Variants in SNX22 observed in about 807,000 individuals in gnomAD.
SNX22 encodes the protein sorting nexin 22.
SNX22 carries 23 observed loss-of-function variants against 24.7 expected under a neutral mutation model. That is an observed-to-expected ratio of 0.93 (90% CI 0.67 to 1.32). SNX22 has a LOEUF of 1.32. Among genes scored for constraint, SNX22 ranks in the 40% most tolerant of loss-of-function variants. SNX22 has a pLI of 0.00. For synonymous variants in SNX22, 99 were observed against 104.0 expected (o/e 0.95, Z 0.29); for missense variants, 261 against 249.9 (o/e 1.04, Z -0.30).
chr15:64,153,702 C>A lies in SNX22; in HGVS notation c.392+18C>A. On this transcript the variant is annotated intron_variant, in intron 5 of 6. Coordinates refer to ENST00000325881, the MANE Select transcript of SNX22 (RefSeq NM_024798.3). ...GACAGCAGGCAAGTCAAAGCCCTAGCCCGCGCTTGGCCCCTGCTGCCCCCT... is the reference window on the plus strand; with the variant it reads ...GACAGCAGGCAAGTCAAAGCCCTAGACCGCGCTTGGCCCCTGCTGCCCCCT... 3 of 1,614,078 alleles carry A rather than the reference C, an allele frequency of 1.9e-6. No homozygotes were observed. The highest frequency in any genetic ancestry group is 2.5e-6 in the Non-Finnish European group (3 of 1,179,996).
At position 64,154,020 on chromosome 15, in the gene SNX22, T is replaced by C. The variant is rs575518888; in HGVS notation, c.460+18T>C. 52 of 1,614,058 alleles carry C rather than the reference T, an allele frequency of 3.2e-5. No homozygotes were observed. The East Asian group carries it at 1.1e-3, about 34-fold the overall frequency. Reference sequence around the variant, plus strand: ...CTCCCCAGGTGAGGAGGTGCCTAGATATGGGGCTACAGGGCTGGGTTGTGG... The same window carrying C: ...CTCCCCAGGTGAGGAGGTGCCTAGACATGGGGCTACAGGGCTGGGTTGTGG... On this transcript the variant is annotated intron_variant, in intron 6 of 6. Coordinates refer to ENST00000325881, the MANE Select transcript of SNX22 (RefSeq NM_024798.3).
At position 64,155,573 on chromosome 15, in the gene SNX22, C is replaced by G. The variant is rs2081522772; in HGVS notation, c.*1065C>G. On this transcript the variant is annotated 3_prime_UTR_variant, in exon 7 of 7. Transcript: ENST00000325881. ...AGGCTATGAAAAAGTACAGATACAT[C>G]CCTTAACATAGACTGGAGGGTGGTG... 4.8e-6 allele frequency: 1 copy of G among 208,674 alleles called. No homozygotes were observed. Among genetic ancestry groups the G allele is most frequent in the Admixed American group, 5.3e-5 (1 of 18,952 alleles). 12.9% of individuals were successfully genotyped at this position (208,674 alleles called of 1,614,324 possible).
chr15:64,155,887 T>G lies in SNX22; in HGVS notation c.*1379T>G. ...GGTAGGAGTTTGTTACAAAAGTGAG[T>G]CCATGGGCCTGTGGAATGTGAGGGG... is the stretch of plus-strand genomic sequence containing the variant. On this transcript the variant is annotated 3_prime_UTR_variant, in exon 7 of 7. Coordinates refer to ENST00000325881, the MANE Select transcript of SNX22 (RefSeq NM_024798.3). 1 of 1,327,392 alleles carries G rather than the reference T, an allele frequency of 7.5e-7. No individual in the cohort carries two copies. Among genetic ancestry groups the G allele is most frequent in the Non-Finnish European group, 1.1e-6 (1 of 932,950 alleles). The allele number at this position is 1,327,392 out of a possible 1,614,324, so 82.2% of individuals were successfully genotyped here.
chr15:64,153,551 T>G (rs1300469555), intron 4 of SNX22, 101 bp from the exon 5 acceptor site: 2 of 1,538,414 alleles, frequency 1.3e-6, no homozygotes, highest in African/African-American at 2.7e-5. Flanking sequence ...ATAGAAGCAG[T>G]GGTCCCCTGG....
Position 64,153,952 on chromosome 15 carries a change from G to A in SNX22, c.410G>A (p.Arg137Gln). The A allele has an allele frequency of 1.9e-6, 3 of 1,613,322 alleles. No individual in the cohort carries two copies. The highest frequency in any genetic ancestry group is 2.5e-6 in the Non-Finnish European group (3 of 1,179,786). The stretch of plus-strand genomic sequence containing the variant: ...CCTCCCAGCTCCCAGCAGCACCAGC[G>A]GCCTGTCCTGAGCTTCCATGTGGAT... ...PGDSSSQQHQ[R>Q]PVLSFHVDPY... Residue 137 changes from arginine (R) to glutamine (Q), a missense_variant, in exon 6 of 7, where the codon CGG (arginine) becomes CAG (glutamine). Coordinates refer to ENST00000325881, the MANE Select transcript of SNX22 (RefSeq NM_024798.3).
At chr15:64,152,767 C>T (rs756234120) in intron 3 of SNX22, 25 bp downstream of exon 3, 2 of 1,605,946 alleles carry the variant, frequency 1.2e-6, no homozygotes, top group African/African-American at 2.7e-5. Context: ...AGTTGGTTGC[C>T]CCCCGGCCTT....
chr15:64,152,461 C>A, intron 2 of SNX22, 135 bp downstream of exon 2: 1 of 1,238,016 alleles, frequency 8.1e-7, no homozygotes, highest in Non-Finnish European at 1.1e-6. Flanking sequence ...AGCCGGTCAG[C>A]CCCCGGGCCT....
At chr15:64,154,232 A>T in intron 6 of SNX22, 155 bp from the exon 7 acceptor site, 1 of 1,580,216 alleles carries the variant, frequency 6.3e-7, no homozygotes, top group Non-Finnish European at 8.6e-7. Context: ...TGTGAAAAGA[A>T]TGTGACCTGG....
At chr15:64,152,124 G>A (rs890044390) in intron 1 of SNX22, 119 bp from the exon 2 acceptor site, 2 of 1,067,632 alleles carry the variant, frequency 1.9e-6, no homozygotes, top group Non-Finnish European at 2.5e-6. Context: ...CAGCCGCGGC[G>A]CCGCAAGGCC....
Position 64,156,587 on chromosome 15 carries a change from C to G in SNX22, c.*2079C>G, listed in dbSNP as rs2081533345. Reference sequence around the variant, plus strand: ...GAGGCATGGAGGTACAGGGTTTATTCTGGACAGGAGCACTGGGCTGCATCT... The same window carrying G: ...GAGGCATGGAGGTACAGGGTTTATTGTGGACAGGAGCACTGGGCTGCATCT... On this transcript the variant is annotated 3_prime_UTR_variant, in exon 7 of 7. Coordinates refer to ENST00000325881, the MANE Select transcript of SNX22 (RefSeq NM_024798.3). This position sits in a 1 kb window ranked among gnomAD's most constrained non-coding sequence, Gnocchi z 6.4. 3.7e-6 allele frequency: 4 copies of G among 1,073,484 alleles called. No homozygotes were observed. The highest frequency in any genetic ancestry group is 5.8e-6 in the Non-Finnish European group (4 of 692,420). The allele number at this position is 1,073,484 out of a possible 1,614,324, so 66.5% of individuals were successfully genotyped here. A position where few individuals can be genotyped will look rare whatever the true frequency, so the allele number is the denominator to read the frequency against.
chr15:64,154,185 C>T (rs1288730822), intron 6 of SNX22, 183 bp downstream of exon 6: 1 of 1,573,086 alleles, frequency 6.4e-7, no homozygotes, highest in Non-Finnish European at 8.6e-7. Flanking sequence ...TCCCTGGTCT[C>T]CATTTCTTCA....
chr15:64,157,064 G>A lies in SNX22; in HGVS notation c.*2556G>A. 1.2e-6 allele frequency: 1 copy of A among 814,396 alleles called. No homozygotes were observed. Among genetic ancestry groups the A allele is most frequent in the Non-Finnish European group, 1.9e-6 (1 of 525,538 alleles). 50.4% of individuals were successfully genotyped at this position (814,396 alleles called of 1,614,324 possible). On this transcript the variant is annotated 3_prime_UTR_variant, in exon 7 of 7. Coordinates refer to ENST00000325881, the MANE Select transcript of SNX22 (RefSeq NM_024798.3). The surrounding 1 kb of genome is among the most constrained non-coding windows in gnomAD (Gnocchi z 4.2). ...AAAAGCAGCGTCCTTCCTATCTTCT[G>A]GCCTCAGAGCCAAGCCATGCTGACT...
In SNX22 at chr15:64,154,561, A is replaced by G. The variant is rs2081512920; in HGVS notation, c.*53A>G. 8 of 1,601,928 alleles carry G rather than the reference A, an allele frequency of 5.0e-6. No homozygotes were observed. In the South Asian group the frequency reaches 6.6e-5, roughly 13 times the overall value. ...TAAGAAAGTCATGTGCCTCTGTCCT[A>G]TGAACTCCATATAAGGCTGGGTCCT... On this transcript the variant is annotated 3_prime_UTR_variant, in exon 7 of 7. Coordinates refer to ENST00000325881, the MANE Select transcript of SNX22 (RefSeq NM_024798.3).
At chr15:64,152,966 A>T in intron 3 of SNX22, 1 of 606,444 alleles carries the variant, frequency 1.6e-6, no homozygotes, top group East Asian at 2.8e-5. Context: ...GCTCCATGAA[A>T]CCCAGGTCCT....
At position 64,154,952 on chromosome 15, in the gene SNX22, ATC is replaced by A. The variant is rs1407014956; in HGVS notation, c.*448_*449del. 6 of 143,884 alleles carry A rather than the reference ATC, an allele frequency of 4.2e-5. No individual in the cohort carries two copies. The highest frequency in any genetic ancestry group is 7.1e-5 in the Admixed American group (1 of 14,084). 8.9% of individuals were successfully genotyped at this position (143,884 alleles called of 1,614,324 possible). A position where few individuals can be genotyped will look rare whatever the true frequency, so the allele number is the denominator to read the frequency against. On this transcript the variant is annotated 3_prime_UTR_variant, in exon 7 of 7. Transcript: ENST00000325881. ...CTACTCGGGAAGCTGAGGTAGGAGA[ATC>A]TCTTTTTTTTTTTTTTTTTTTTTTT... is the stretch of plus-strand genomic sequence containing the variant.
In SNX22 at chr15:64,151,831, G is replaced by T. The variant is rs542779981; in HGVS notation, c.56G>T (p.Ser19Ile). ...VGPEAEGPRQ[S>I]PEKSHMVFRV... ...CCCGAGGCCGAGGGGCCCAGGCAGA[G>T]CCCGGAGAAAAGCCACATGGTGAGC... Residue 19 changes from serine to isoleucine, a missense_variant, in exon 1 of 7, where the codon AGC becomes ATC. Transcript: ENST00000325881. 2 of 1,538,124 alleles carry T rather than the reference G, an allele frequency of 1.3e-6. No homozygotes were observed. The highest frequency in any genetic ancestry group is 1.7e-6 in the Non-Finnish European group (2 of 1,144,228).
intron 3 of SNX22, 58 bp from the exon 4 acceptor site, chr15:64,153,187 A>T: frequency 1.3e-6 from 2 of 1,597,682 alleles, no homozygotes; most frequent in Non-Finnish European, 1.7e-6. Flanking sequence ...TTTCACTGGC[A>T]CTGCGCTATG....
At position 64,156,070 on chromosome 15, in the gene SNX22, A is replaced by G; in HGVS notation, c.*1562A>G. 5.6e-6 allele frequency: 9 copies of G among 1,614,174 alleles called. No homozygotes were observed. Among genetic ancestry groups the G allele is most frequent in the Non-Finnish European group, 7.6e-6 (9 of 1,180,036 alleles). On this transcript the variant is annotated 3_prime_UTR_variant, in exon 7 of 7. Transcript: ENST00000325881. This position sits in a 1 kb window ranked among gnomAD's most constrained non-coding sequence, Gnocchi z 6.4. ...GGCTTCTCCACCTCGATCTTGCCGCAGTCTGCGATGATCACATCCTTCAGG... is the reference window on the plus strand; with the variant it reads ...GGCTTCTCCACCTCGATCTTGCCGCGGTCTGCGATGATCACATCCTTCAGG...
chr15:64,152,209 C>T, intron 1 of SNX22, 34 bp from the exon 2 acceptor site: 1 of 1,379,790 alleles, frequency 7.2e-7, no homozygotes, highest in Non-Finnish European at 9.3e-7. Context: ...CGCGGGGCCT[C>T]ACGCGCAGAC....
Sources: gnomAD v4.1 joint callset for allele counts on GRCh38, gnomAD v4.1.1 for gene constraint, Gnocchi (gnomAD v3.1) non-coding constraint, MANE v1.5 for transcripts, NCBI Gene and HGNC (gene_info 2026-07-23, HGNC 2026-07-21) for gene names.